The following ADCY9 variants were observed in gnomAD, a reference collection of about 807,000 sequenced individuals.
ADCY9 encodes adenylate cyclase 9, also known as adenylate cyclase type 9.
In ADCY9, 50 loss-of-function variants were observed where a neutral mutation model predicts 101.5. The observed-to-expected ratio is 0.49, with a 90% CI of 0.39 to 0.62. The LOEUF (loss-of-function observed/expected upper bound fraction) is 0.62, where lower values mean the gene tolerates loss of function less well. Among genes scored for constraint, ADCY9 ranks in the 20% least tolerant of loss-of-function variants. The pLI is 0.00. For missense variants in ADCY9, 1,662 were observed against 1,800.4 expected (o/e 0.92, Z 1.39); for synonymous variants, 905 against 769.3 (o/e 1.18, Z -2.92).
At chr16:4,112,324 G>A (rs989510103) in intron 2 of ADCY9, among the ~76,000 whole-genome samples, 6 of 152,188 alleles carry the variant, frequency 3.9e-5, no homozygotes, top group African/African-American at 1.4e-4. Flanking sequence ...GGGAATTCTC[G>A]GGTGAAAATA....
At chr16:4,026,316 C>T (rs189509008) in intron 2 of ADCY9, among the ~76,000 whole-genome samples, 5 of 149,150 alleles carry the variant, frequency 3.4e-5, no homozygotes, top group East Asian at 4.0e-4. Context: ...CCCAGCTACT[C>T]GGGAGGCTGA....
intron 2 of ADCY9, among the ~76,000 whole-genome samples, chr16:4,041,506 C>CAA (rs55669348): frequency 2.4e-4 from 23 of 94,554 alleles, no homozygotes; most frequent in African/African-American, 4.1e-4. Flanking sequence ...GTATTAAAAC[C>CAA]AAAAAAAAAA....
At chr16:4,066,810 A>G (rs1282962381) in intron 2 of ADCY9, among the ~76,000 whole-genome samples, 1 of 152,228 alleles carries the variant, frequency 6.6e-6, no homozygotes, top group African/African-American at 2.4e-5. Context: ...TAGCTTTAAA[A>G]GATTCCCGCT....
At chr16:4,110,304 C>T (rs748638343) in intron 2 of ADCY9, among the ~76,000 whole-genome samples, 13 of 151,754 alleles carry the variant, frequency 8.6e-5, no homozygotes, top group Non-Finnish European at 5.9e-5. Flanking sequence ...CATGACTGCT[C>T]CTGCAGAGCT....
chr16:3,983,498 A>C (rs1261002199), intron 6 of ADCY9, 58 bp from the exon 7 acceptor site: 4 of 1,432,342 alleles, frequency 2.8e-6, no homozygotes, highest in African/African-American at 1.4e-5. Flanking sequence ...CCAGGAGCGC[A>C]GTTCAGATGG....
chr16:4,073,384 G>T (rs911609411), intron 2 of ADCY9, among the ~76,000 whole-genome samples: 2 of 149,818 alleles, frequency 1.3e-5, no homozygotes, highest in Non-Finnish European at 3.0e-5. Context: ...ACCGCACCCA[G>T]CCCTCTTTAA....
intron 5 of ADCY9, among the ~76,000 whole-genome samples, chr16:3,956,152 A>C (rs977478574): frequency 6.6e-6 from 1 of 152,074 alleles, no homozygotes; most frequent in Non-Finnish European, 1.5e-5. Context: ...TTCCCGTCTC[A>C]ACCCCACAAA....
intron 2 of ADCY9, among the ~76,000 whole-genome samples, chr16:4,080,667 C>T (rs1459459526): frequency 6.6e-6 from 1 of 151,066 alleles, no homozygotes; most frequent in East Asian, 1.9e-4. Context: ...ATATATACAC[C>T]TTCAGAATCA....
At chr16:4,067,470 C>A (rs998981276) in intron 2 of ADCY9, among the ~76,000 whole-genome samples, 2 of 152,160 alleles carry the variant, frequency 1.3e-5, no homozygotes, top group Non-Finnish European at 2.9e-5. Flanking sequence ...CCACTCCAGA[C>A]CAAGATGGGT....
At chr16:3,967,403 CTT>C (rs1399986821) in intron 10 of ADCY9, among the ~76,000 whole-genome samples, 1 of 151,132 alleles carries the variant, frequency 6.6e-6, no homozygotes, top group Non-Finnish European at 1.5e-5. Flanking sequence ...TCTCTCTCTC[CTT>C]TGTTTTTTTA....
At chr16:4,099,629 C>T (rs995147668) in intron 2 of ADCY9, among the ~76,000 whole-genome samples, 5 of 152,198 alleles carry the variant, frequency 3.3e-5, no homozygotes, top group African/African-American at 1.2e-4. Context: ...AAGGGGCTCC[C>T]ATGGGCCCCA....
Position 3,965,567 on chromosome 16 carries a change from C to T in ADCY9, c.*208G>A, listed in dbSNP as rs577006329. The T allele has an allele frequency of 5.8e-5, 35 of 601,818 alleles. No individual in the cohort carries two copies. Among genetic ancestry groups the T allele is most frequent in the Admixed American group, 1.2e-4 (4 of 33,276 alleles). 37.3% of individuals were successfully genotyped at this position (601,818 alleles called of 1,614,324 possible). A position where few individuals can be genotyped will look rare whatever the true frequency, so the allele number is the denominator to read the frequency against. The stretch of plus-strand genomic sequence containing the variant: ...TGCTGAACGGATGACCCAGAGGCAG[C>T]GGGGTTTCCAGGGAAGGGAGCGAAA... On this transcript the variant is annotated 3_prime_UTR_variant, in exon 11 of 11. Coordinates refer to ENST00000294016, the MANE Select transcript of ADCY9 (RefSeq NM_001116.4).
intron 2 of ADCY9, among the ~76,000 whole-genome samples, chr16:4,104,412 A>G (rs1169070742): frequency 1.3e-5 from 2 of 152,360 alleles, no homozygotes; most frequent in South Asian, 2.1e-4. Context: ...ATAAAATTTC[A>G]GATTCCATAT....
intron 2 of ADCY9, among the ~76,000 whole-genome samples, chr16:4,055,138 G>T (rs927548609): frequency 6.6e-6 from 1 of 152,158 alleles, no homozygotes; most frequent in African/African-American, 2.4e-5. Context: ...CCAGCACTGT[G>T]GTAGCCAACA....
chr16:3,974,010 G>A (rs1369939551), intron 10 of ADCY9, among the ~76,000 whole-genome samples: 3 of 152,082 alleles, frequency 2.0e-5, no homozygotes, highest in Non-Finnish European at 4.4e-5. Context: ...TAAAGCAAGG[G>A]TCAAACATTT....
chr16:3,969,614 T>TATATATA (rs1567414929), intron 10 of ADCY9, among the ~76,000 whole-genome samples: 20 of 50,694 alleles, frequency 3.9e-4, no homozygotes, highest in African/African-American at 7.1e-4. Flanking sequence ...ATATATGTAT[T>TATATATA]TTTTTTTTTT....
intron 2 of ADCY9, among the ~76,000 whole-genome samples, chr16:4,034,459 G>C (rs1342471713): frequency 1.3e-5 from 2 of 152,126 alleles, no homozygotes; most frequent in African/African-American, 4.8e-5. Flanking sequence ...ACCCAGGCTG[G>C]AGTGCACTGG....
chr16:4,039,137 A>G (rs1555511251), intron 2 of ADCY9, among the ~76,000 whole-genome samples: 3 of 152,162 alleles, frequency 2.0e-5, no homozygotes, highest in Non-Finnish European at 4.4e-5. Context: ...TGCTAACAGA[A>G]CAGAGCAGAG....
intron 2 of ADCY9, among the ~76,000 whole-genome samples, chr16:4,086,432 G>A (rs1394635340): frequency 1.3e-5 from 2 of 152,016 alleles, no homozygotes; most frequent in Admixed American, 6.6e-5. Flanking sequence ...AAGGACAAGC[G>A]CACGCTCCGC....
Sources: gnomAD v4.1 joint callset for allele counts (sites outside exome capture counted in the v4.1 genomes callset) on GRCh38, gnomAD v4.1.1 for gene constraint, MANE v1.5 for transcripts, NCBI Gene and HGNC (gene_info 2026-07-23, HGNC 2026-07-21) for gene names.